The following POT1 variants were observed in gnomAD, a reference collection of about 807,000 sequenced individuals.
POT1 encodes protection of telomeres protein 1.
In POT1, 47 loss-of-function variants were observed where a neutral mutation model predicts 78.5. The observed-to-expected ratio is 0.60, with a 90% CI of 0.47 to 0.76. The LOEUF (loss-of-function observed/expected upper bound fraction) is 0.76. POT1 is among the 30% of genes least tolerant of loss of function. POT1 has a pLI of 0.00. For synonymous variants in POT1, 259 were observed against 260.7 expected, an observed-to-expected ratio of 0.99 and a Z score of 0.06; for missense variants, 646 against 749.9, an observed-to-expected ratio of 0.86 and a Z score of 1.62.
chr7:124,903,575 A>C (rs2116662726), intron 3 of POT1, among the ~76,000 whole-genome samples: 1 of 152,330 alleles, frequency 6.6e-6, no homozygotes, highest in South Asian at 2.1e-4. Flanking sequence ...GAAAGCAAGA[A>C]AGATCTAAAA....
intron 8 of POT1, among the ~76,000 whole-genome samples, chr7:124,859,734 A>C (rs1052075739): frequency 2.7e-5 from 4 of 149,718 alleles, no homozygotes; most frequent in South Asian, 2.1e-4. Flanking sequence ...AAAAAAAAAA[A>C]CCATAAAACA....
chr7:124,921,302 G>A (rs1797143762), intron 2 of POT1, among the ~76,000 whole-genome samples: 1 of 151,930 alleles, frequency 6.6e-6, no homozygotes, highest in African/African-American at 2.4e-5. Flanking sequence ...TCAAATCATA[G>A]CACTTTATTA....
chr7:124,844,755 A>C (rs983282890), intron 12 of POT1, among the ~76,000 whole-genome samples: 1 of 130,622 alleles, frequency 7.7e-6, no homozygotes, highest in African/African-American at 2.8e-5. Context: ...AAAAAAAAAA[A>C]GGCCATTGGC....
At chr7:124,843,561 GAAAA>G (rs1375421706) in intron 12 of POT1, among the ~76,000 whole-genome samples, 1 of 151,728 alleles carries the variant, frequency 6.6e-6, no homozygotes, top group South Asian at 2.1e-4. Flanking sequence ...AGTCAAACTG[GAAAA>G]AAAACTCAGA....
chr7:124,890,428 G>A (rs1796342870), intron 6 of POT1, among the ~76,000 whole-genome samples: 1 of 151,960 alleles, frequency 6.6e-6, no homozygotes, highest in African/African-American at 2.4e-5. Context: ...AAACTTAGTT[G>A]ATAATGCAGC....
chr7:124,883,656 T>C (rs1187852455), intron 6 of POT1, among the ~76,000 whole-genome samples: 1 of 151,602 alleles, frequency 6.6e-6, no homozygotes, highest in Non-Finnish European at 1.5e-5. Flanking sequence ...CAACATGGAG[T>C]TCAAAGTGGG....
chr7:124,852,920 A>C, intron 10 of POT1, 52 bp downstream of exon 10: 1 of 1,506,792 alleles, frequency 6.6e-7, no homozygotes, highest in Non-Finnish European at 9.1e-7. Flanking sequence ...ATTATCTTAG[A>C]AATCGGCTTA....
intron 6 of POT1, among the ~76,000 whole-genome samples, chr7:124,881,230 T>G (rs1326480436): frequency 6.6e-6 from 1 of 152,084 alleles, no homozygotes; most frequent in Non-Finnish European, 1.5e-5. Flanking sequence ...GCATCATTAC[T>G]ACACATCAGT....
intron 6 of POT1, among the ~76,000 whole-genome samples, chr7:124,879,011 AAG>A (rs1796055903): frequency 6.6e-6 from 1 of 152,136 alleles, no homozygotes; most frequent in Non-Finnish European, 1.5e-5. Context: ...ATAAGAAAAA[AAG>A]ATTAAAAATT....
At position 124,832,744 on chromosome 7, in the gene POT1, C is replaced by A. The variant is rs547889354; in HGVS notation, c.1505+2535G>T. Among the ~76,000 whole-genome samples, 25 of 151,072 alleles carry A rather than the reference C, an allele frequency of 1.7e-4. 2 individuals carry two copies. The East Asian group carries it at 4.7e-3, about 28-fold the overall frequency. On this transcript the variant is annotated intron_variant, in intron 15 of 18. Coordinates refer to ENST00000357628, the MANE Select transcript of POT1 (RefSeq NM_015450.3). ...GGTTGAGACAGGAGAATCGCTTGAA[C>A]CGGGGAGGCAGAGGTTGCAGTGAGC... is the stretch of plus-strand genomic sequence containing the variant.
At chr7:124,879,089 CTAAT>C (rs1169713331) in intron 6 of POT1, among the ~76,000 whole-genome samples, 1 of 152,086 alleles carries the variant, frequency 6.6e-6, no homozygotes, top group Non-Finnish European at 1.5e-5. Context: ...TCTGAAAATA[CTAAT>C]TGTTTGATAA....
intron 6 of POT1, among the ~76,000 whole-genome samples, chr7:124,876,376 T>C (rs1044900553): frequency 6.6e-6 from 1 of 152,162 alleles, no homozygotes; most frequent in Non-Finnish European, 1.5e-5. Flanking sequence ...ATAATGATTG[T>C]TTTTCCTATT....
At chr7:124,838,255 T>C (rs1175372480) in intron 14 of POT1, among the ~76,000 whole-genome samples, 1 of 152,006 alleles carries the variant, frequency 6.6e-6, no homozygotes, top group African/African-American at 2.4e-5. Context: ...GCTGTCTTTG[T>C]TTACAGGAAA....
rs1302509766 is a variant in POT1 at position 124,897,218 on chromosome 7, G to T, written c.-39-6C>A. Reference sequence around the variant, plus strand: ...CTTAAAGATTTGACATAAACCTGAAGGAAAAAAAGAAAGAACTTATTTGTA... The same window carrying T: ...CTTAAAGATTTGACATAAACCTGAATGAAAAAAAGAAAGAACTTATTTGTA... On this transcript the variant is annotated splice_polypyrimidine_tract_variant and splice_region_variant and intron_variant, in intron 4 of 18. Coordinates refer to ENST00000357628, the MANE Select transcript of POT1 (RefSeq NM_015450.3). The T allele has an allele frequency of 7.4e-7, 1 of 1,353,748 alleles. No homozygotes were observed. Among genetic ancestry groups the T allele is most frequent in the East Asian group, 2.4e-5 (1 of 41,438 alleles). 83.9% of individuals were successfully genotyped at this position (1,353,748 alleles called of 1,614,324 possible). A position where few individuals can be genotyped will look rare whatever the true frequency, so the allele number is the denominator to read the frequency against.
intron 4 of POT1, among the ~76,000 whole-genome samples, chr7:124,897,417 G>A (rs1041336295): frequency 4.6e-5 from 7 of 151,642 alleles, no homozygotes; most frequent in African/African-American, 1.7e-4. Flanking sequence ...AAAGATATAA[G>A]GTCAAATGAA....
chr7:124,873,613 A>G (rs1267169637), intron 6 of POT1, among the ~76,000 whole-genome samples: 1 of 152,146 alleles, frequency 6.6e-6, no homozygotes. Context: ...GGCCTCGTGA[A>G]ATGAGTTTGG....
rs1794709200 is a variant in POT1, at chr7:124,829,461, C to T, written c.1506-119G>A. 3 of 633,152 alleles carry T rather than the reference C, an allele frequency of 4.7e-6. No homozygotes were observed. In the Admixed American group the frequency reaches 9.3e-5, roughly 20 times the overall value. 39.2% of individuals were successfully genotyped at this position (633,152 alleles called of 1,614,324 possible). A position where few individuals can be genotyped will look rare whatever the true frequency, so the allele number is the denominator to read the frequency against. ...ATATAAATTATTAAACAGAAGAATA[C>T]TGCATCCCCTATATTGTAATGTGCT... On this transcript the variant is annotated intron_variant, in intron 15 of 18. Transcript: ENST00000357628.
chr7:124,851,366 A>G (rs1795302146), intron 11 of POT1, among the ~76,000 whole-genome samples: 1 of 152,164 alleles, frequency 6.6e-6, no homozygotes, highest in African/African-American at 2.4e-5. Context: ...GCACACTGAA[A>G]GCTTTCAAGT....
chr7:124,828,318 G>GCCT (rs1794680136), intron 16 of POT1, among the ~76,000 whole-genome samples: 1 of 152,092 alleles, frequency 6.6e-6, no homozygotes, highest in Admixed American at 6.6e-5. Flanking sequence ...AATTTGGTAA[G>GCCT]ATAAGGAAGA....
Sources: gnomAD v4.1 joint callset for allele counts (sites outside exome capture counted in the v4.1 genomes callset) on GRCh38, gnomAD v4.1.1 for gene constraint, MANE v1.5 for transcripts, NCBI Gene and HGNC (gene_info 2026-07-23, HGNC 2026-07-21) for gene names.